TAF4B: variants seen among roughly 807,000 people sequenced by gnomAD.
The protein encoded by TAF4B is transcription initiation factor TFIID subunit 4B.
Under a neutral mutation model 86.4 loss-of-function variants are expected in TAF4B, and 38 were observed. The ratio of observed to expected loss-of-function variants is 0.44; its 90% CI spans 0.34 to 0.58. The LOEUF is 0.58. Ranked by LOEUF, TAF4B falls within the 20% of genes least tolerant of loss-of-function variation. The pLI, the probability that TAF4B is intolerant of heterozygous loss-of-function variation, is 0.02. For missense variants in TAF4B, 988 were observed against 1,027.6 expected (o/e 0.96, Z 0.53); for synonymous variants, 388 against 391.2 (o/e 0.99, Z 0.10).
At chr18:26,269,436 A>G (rs767705252) in intron 3 of TAF4B, among the ~76,000 whole-genome samples, 28 of 152,192 alleles carry the variant, frequency 1.8e-4, no homozygotes, top group Admixed American at 7.2e-4. Context: ...TGGCTGTTCT[A>G]ATATTTTACT....
At chr18:26,278,682 C>T (rs2056411887) in intron 5 of TAF4B, among the ~76,000 whole-genome samples, 1 of 151,266 alleles carries the variant, frequency 6.6e-6, no homozygotes, top group African/African-American at 2.4e-5. Flanking sequence ...TTCACTTTGC[C>T]ATTGCCTTTC....
intron 12 of TAF4B, among the ~76,000 whole-genome samples, chr18:26,334,931 A>G (rs2057078901): frequency 6.6e-6 from 1 of 152,058 alleles, no homozygotes; most frequent in Non-Finnish European, 1.5e-5. Context: ...ACTGGACCTG[A>G]CTGACATCGT....
At chr18:26,377,913 G>T (rs1036578390) in intron 14 of TAF4B, among the ~76,000 whole-genome samples, 1 of 152,174 alleles carries the variant, frequency 6.6e-6, no homozygotes, top group African/African-American at 2.4e-5. Context: ...ATAAAAGTAT[G>T]TACATTTGTC....
intron 14 of TAF4B, among the ~76,000 whole-genome samples, chr18:26,386,556 TC>T (rs1456315837): frequency 7.0e-6 from 1 of 142,386 alleles, no homozygotes; most frequent in Non-Finnish European, 1.6e-5. Context: ...CCAGAAAACT[TC>T]AGTCTCTTTC....
chr18:26,233,365 G>T (rs2055701509), intron 1 of TAF4B, among the ~76,000 whole-genome samples: 1 of 152,194 alleles, frequency 6.6e-6, no homozygotes, highest in East Asian at 1.9e-4. Flanking sequence ...TGCTGCAGGG[G>T]GTCCAGAGGT....
chr18:26,369,435 G>T (rs1567926283), intron 14 of TAF4B, among the ~76,000 whole-genome samples: 1 of 152,178 alleles, frequency 6.6e-6, no homozygotes, highest in Non-Finnish European at 1.5e-5. Flanking sequence ...TGGTGTGCTG[G>T]ACTTGTATTG....
chr18:26,295,950 T>C (rs1015822622), intron 9 of TAF4B, among the ~76,000 whole-genome samples: 1 of 151,550 alleles, frequency 6.6e-6, no homozygotes, highest in African/African-American at 2.4e-5. Context: ...AAAACGTTCT[T>C]GGAGTATAGT....
chr18:26,319,281 C>T (rs959420201), intron 10 of TAF4B, among the ~76,000 whole-genome samples: 1 of 151,936 alleles, frequency 6.6e-6, no homozygotes, highest in African/African-American at 2.4e-5. Context: ...CACTTGAGGT[C>T]AGGAGTTTGA....
intron 9 of TAF4B, among the ~76,000 whole-genome samples, chr18:26,312,705 C>T (rs1003694156): frequency 3.3e-5 from 5 of 152,074 alleles, no homozygotes; most frequent in African/African-American, 1.2e-4. Flanking sequence ...GGTGCAATTT[C>T]CAGGGGCCTG....
chr18:26,333,333 G>A (rs917224837), intron 12 of TAF4B, among the ~76,000 whole-genome samples: 1 of 149,924 alleles, frequency 6.7e-6, no homozygotes. Context: ...CGATTCTTAG[G>A]TCTCAGCCTC....
chr18:26,345,277 C>T (rs968540903), intron 13 of TAF4B, among the ~76,000 whole-genome samples: 3 of 152,196 alleles, frequency 2.0e-5, no homozygotes, highest in Non-Finnish European at 4.4e-5. Context: ...CCTGAGAGAC[C>T]AAGCCATCCT....
chr18:26,361,661 C>T lies in TAF4B; in HGVS notation c.2421+3867C>T, dbSNP rs979430102. ...GTGGGGGGTTGAGGCAGGAGAATCA[C>T]TTGAACCCGGGAGGCGGAGGTTGCT... On this transcript the variant is annotated intron_variant, in intron 14 of 14. Transcript: ENST00000269142. 4.0e-5 allele frequency among the ~76,000 whole-genome samples: 6 copies of T among 149,240 alleles called. No individual in the cohort carries two copies. The Admixed American group carries it at 4.1e-4, about 10-fold the overall frequency.
chr18:26,373,953 G>A (rs371251509), intron 14 of TAF4B, among the ~76,000 whole-genome samples: 1 of 152,142 alleles, frequency 6.6e-6, no homozygotes, highest in South Asian at 2.1e-4. Flanking sequence ...GGATGTACGA[G>A]GGGAGCCCAT....
intron 13 of TAF4B, among the ~76,000 whole-genome samples, chr18:26,356,681 A>C (rs2057290833): frequency 6.6e-6 from 1 of 151,756 alleles, no homozygotes; most frequent in African/African-American, 2.4e-5. Context: ...TTCCCTCCAT[A>C]GTATTAATAT....
chr18:26,379,324 A>G (rs1365007030), intron 14 of TAF4B, among the ~76,000 whole-genome samples: 6 of 152,058 alleles, frequency 3.9e-5, no homozygotes, highest in African/African-American at 1.4e-4. Context: ...TAGAAGCTTT[A>G]TAGTTTTAAC....
intron 13 of TAF4B, among the ~76,000 whole-genome samples, chr18:26,352,332 A>C (rs2057252415): frequency 6.6e-6 from 1 of 151,992 alleles, no homozygotes; most frequent in African/African-American, 2.4e-5. Context: ...AAATGCTTAC[A>C]TTAGAAAAGA....
At chr18:26,242,623 C>T (rs900434488) in intron 1 of TAF4B, among the ~76,000 whole-genome samples, 6 of 152,156 alleles carry the variant, frequency 3.9e-5, no homozygotes, top group African/African-American at 1.4e-4. Flanking sequence ...TTGATCCTGT[C>T]ATTATGATGT....
chr18:26,343,711 G>A (rs541360929), intron 13 of TAF4B, among the ~76,000 whole-genome samples: 14 of 152,112 alleles, frequency 9.2e-5, no homozygotes, highest in Non-Finnish European at 1.9e-4. Flanking sequence ...TACACTATGT[G>A]CAGGATGCAA....
chr18:26,281,886 T>C, intron 5 of TAF4B, 85 bp from the exon 6 acceptor site: 2 of 966,896 alleles, frequency 2.1e-6, no homozygotes, highest in South Asian at 3.3e-5. Context: ...AAAAGTTTGC[T>C]ATGTCTACAA....
Sources: allele counts gnomAD v4.1 joint callset (sites outside exome capture counted in the v4.1 genomes callset), GRCh38; gene constraint gnomAD v4.1.1; transcripts MANE v1.5; gene names NCBI Gene and HGNC (gene_info 2026-07-23, HGNC 2026-07-21).